CTNND1: variants seen among roughly 807,000 people sequenced by gnomAD.
CTNND1 encodes catenin delta-1.
Under a neutral mutation model 112.1 loss-of-function variants are expected in CTNND1, and 16 were observed. The ratio of observed to expected loss-of-function variants is 0.14; its 90% CI spans 0.10 to 0.22. CTNND1 has a LOEUF of 0.22. CTNND1 is among the 10% of genes least tolerant of loss of function. The pLI, the probability that CTNND1 is intolerant of heterozygous loss-of-function variation, is 1.00. For missense variants in CTNND1, 1,008 were observed against 1,257.0 expected (o/e 0.80, Z 3.00); for synonymous variants, 420 against 446.5 (o/e 0.94, Z 0.75).
intron 1 of CTNND1, among the ~76,000 whole-genome samples, chr11:57,775,525 GGAGGA>G (rs1954001753): frequency 6.6e-6 from 1 of 152,168 alleles, no homozygotes; most frequent in Non-Finnish European, 1.5e-5. Context: ...AGCATGGTAT[GGAGGA>G]CTCGCCTATT....
At chr11:57,766,973 T>C (rs1013271781) in intron 1 of CTNND1, among the ~76,000 whole-genome samples, 1 of 150,658 alleles carries the variant, frequency 6.6e-6, no homozygotes, top group African/African-American at 2.4e-5. Context: ...AATTTTCTTA[T>C]CTTTTTTTTT....
intron 1 of CTNND1, 55 bp downstream of exon 1, chr11:57,762,174 T>A: frequency 2.5e-6 from 2 of 813,876 alleles, no homozygotes; most frequent in Non-Finnish European, 1.5e-6. Flanking sequence ...GAGTAACTTT[T>A]AAGCAATTAT....
At position 57,788,629 on chromosome 11, in the gene CTNND1, T is replaced by C. The variant is rs1356722313; in HGVS notation, c.-213-408T>C. 6.6e-6 allele frequency among the ~76,000 whole-genome samples: 1 copy of C among 152,166 alleles called. No homozygotes were observed. Among genetic ancestry groups the C allele is most frequent in the African/African-American group, 2.4e-5 (1 of 41,428 alleles). ...CTTTTGCATTGGTTTCTCAATGTCT[T>C]TGTGGGCATGCTGGGACTGGGCTTT... is the stretch of plus-strand genomic sequence containing the variant. On this transcript the variant is annotated intron_variant, in intron 1 of 20. Transcript: ENST00000399050. The surrounding 1 kb of genome is among the most constrained non-coding windows in gnomAD (Gnocchi z 4.1).
intron 6 of CTNND1, 46 bp downstream of exon 6, chr11:57,797,038 G>C (rs2061417019): frequency 3.6e-6 from 5 of 1,398,664 alleles, no homozygotes; most frequent in Non-Finnish European, 2.8e-6. Context: ...CAAGACCAGG[G>C]ACAAGGGGTA....
At chr11:57,764,103 T>C (rs1483219117) in intron 1 of CTNND1, 1 of 152,192 alleles carries the variant, frequency 6.6e-6, no homozygotes, top group Non-Finnish European at 1.5e-5. Context: ...TTGCTCATTG[T>C]CTTGGTTTTG....
intron 3 of CTNND1, among the ~76,000 whole-genome samples, chr11:57,792,147 G>A (rs2060815750): frequency 6.6e-6 from 1 of 152,132 alleles, no homozygotes; most frequent in Admixed American, 6.6e-5. Context: ...GCTCCATATT[G>A]TCCTTGTGTG....
chr11:57,789,167 A>G lies in CTNND1; in HGVS notation c.-95+12A>G. On this transcript the variant is annotated intron_variant, in intron 2 of 20. Transcript: ENST00000399050. ...CCTTCTCTTAACAGGTGTGTATGGAAATATGTTTATTAAGAAGGAAAAATC... is the reference window on the plus strand; with the variant it reads ...CCTTCTCTTAACAGGTGTGTATGGAGATATGTTTATTAAGAAGGAAAAATC... The G allele has an allele frequency of 2.1e-6, 3 of 1,428,848 alleles. No homozygotes were observed. The Admixed American group carries it at 7.3e-5, about 35-fold the overall frequency. 88.5% of individuals were successfully genotyped at this position (1,428,848 alleles called of 1,614,324 possible).
chr11:57,810,684 G>C (rs1176302797), intron 16 of CTNND1, among the ~76,000 whole-genome samples: 1 of 151,924 alleles, frequency 6.6e-6, no homozygotes, highest in Non-Finnish European at 1.5e-5. Flanking sequence ...GCCAGGTGTG[G>C]TGGCTCACAC....
intron 9 of CTNND1, among the ~76,000 whole-genome samples, chr11:57,805,096 A>C (rs2062483952): frequency 6.6e-6 from 1 of 151,592 alleles, no homozygotes; most frequent in Admixed American, 6.6e-5. Context: ...ACGGGGTTTC[A>C]CCATGTTGGC....
intron 1 of CTNND1, among the ~76,000 whole-genome samples, chr11:57,768,902 TTC>T (rs1485565931): frequency 5.9e-5 from 9 of 152,186 alleles, no homozygotes; most frequent in African/African-American, 1.9e-4. Flanking sequence ...GGAATTTTCC[TTC>T]TCTTTTCCTC....
At chr11:57,785,398 A>T (rs1026629270) in intron 1 of CTNND1, among the ~76,000 whole-genome samples, 11 of 152,224 alleles carry the variant, frequency 7.2e-5, no homozygotes, top group Non-Finnish European at 1.2e-4. Context: ...TCATATAGCT[A>T]ATAAGGATAG....
Position 57,815,924 on chromosome 11 carries a change from G to T in CTNND1, c.2818G>T (p.Gly940Trp). 1 of 1,608,020 alleles carries T rather than the reference G, an allele frequency of 6.2e-7. No homozygotes were observed. The highest frequency in any genetic ancestry group is 1.3e-5 in the African/African-American group (1 of 74,608). The change falls in exon 20 of 21, where the codon GGG (glycine) becomes TGG (tryptophan). Residue 940 changes from glycine to tryptophan, a missense_variant. Gly to Trp is a radical substitution (Grantham distance 184). Coordinates refer to ENST00000399050, the MANE Select transcript of CTNND1 (RefSeq NM_001085458.2). ...KGTTPLMQDE[G>W]QESLEEELDV... ...TTGCATGTGTTCACAGCAGGACGAG[G>T]GGCAGGAATCTCTGGAGGAAGAGTT... is the stretch of plus-strand genomic sequence containing the variant.
In CTNND1 at chr11:57,815,974, G is replaced by T. The variant is rs778615503; in HGVS notation, c.2868G>T (p.Glu956Asp). The T allele has an allele frequency of 1.3e-6, 2 of 1,597,474 alleles. No homozygotes were observed. Among genetic ancestry groups the T allele is most frequent in the Non-Finnish European group, 1.7e-6 (2 of 1,175,564 alleles). The change falls in exon 20 of 21, where the codon GAG becomes GAT. Residue 956 changes from glutamate (E) to aspartate (D), a missense_variant. Glu to Asp is a conservative substitution (Grantham distance 45, BLOSUM62 2). This residue lies in a region of CTNND1 where 106 missense variants were observed against 116.2 expected (regional missense o/e 0.91). Coordinates refer to ENST00000399050, the MANE Select transcript of CTNND1 (RefSeq NM_001085458.2). The part of the protein sequence containing the change: ...EELDVLVLDD[E>D]GGQVSYPSMQ... ...TGGATGTGTTGGTTTTGGATGATGAGGGGGGCCAAGTGTCTTACCCCTCCA... is the reference window on the plus strand; with the variant it reads ...TGGATGTGTTGGTTTTGGATGATGATGGGGGCCAAGTGTCTTACCCCTCCA...
chr11:57,771,336 A>T (rs189141795), intron 1 of CTNND1, among the ~76,000 whole-genome samples: 50 of 152,302 alleles, frequency 3.3e-4, no homozygotes, highest in Admixed American at 3.1e-3. Context: ...GTAGTATGTC[A>T]GAGTGTGGTA....
At chr11:57,793,127 C>T (rs987868813) in intron 3 of CTNND1, 2 of 152,134 alleles carry the variant, frequency 1.3e-5, no homozygotes, top group Non-Finnish European at 2.9e-5. Flanking sequence ...TTCCTTCTTC[C>T]TGAAAGTAAT....
At chr11:57,814,768 C>T (rs1174274542) in intron 18 of CTNND1, among the ~76,000 whole-genome samples, 1 of 152,042 alleles carries the variant, frequency 6.6e-6, no homozygotes, top group Non-Finnish European at 1.5e-5. Context: ...CTGGTATGTC[C>T]TTCCCTTTTG....
At position 57,791,504 on chromosome 11, in the gene CTNND1, C is replaced by A. The variant is rs570725162; in HGVS notation, c.26C>A (p.Thr9Asn). 2 of 1,569,956 alleles carry A rather than the reference C, an allele frequency of 1.3e-6. No homozygotes were observed. Among genetic ancestry groups the A allele is most frequent in the South Asian group, 1.2e-5 (1 of 86,118 alleles). MDDSEVES[T>N]ASILASVKEQ... ...ATGGACGACTCAGAGGTGGAGTCGA[C>A]CGCCAGCATCTTGGCCTCTGTGAAG... Residue 9 changes from threonine (T) to asparagine (N), a missense_variant, in exon 3 of 21, where the codon ACC becomes AAC. Thr to Asn is a moderately conservative substitution (Grantham distance 65). This residue lies in a region of CTNND1 where 404 missense variants were observed against 457.9 expected (regional missense o/e 0.88). Coordinates refer to ENST00000399050, the MANE Select transcript of CTNND1 (RefSeq NM_001085458.2).
At chr11:57,809,614 C>A in intron 15 of CTNND1, 148 bp downstream of exon 15, 1 of 670,950 alleles carries the variant, frequency 1.5e-6, no homozygotes, top group Non-Finnish European at 2.4e-6. Flanking sequence ...TAATGTTGAT[C>A]CATAAATTGA....
intron 7 of CTNND1, 31 bp from the exon 8 acceptor site, chr11:57,803,590 C>T: frequency 7.7e-6 from 12 of 1,567,498 alleles, no homozygotes; most frequent in Non-Finnish European, 1.0e-5. Context: ...CTTGAATGCT[C>T]AAGAGCCATC....
Sources: gnomAD v4.1 joint callset for allele counts (sites outside exome capture counted in the v4.1 genomes callset) on GRCh38, gnomAD v4.1.1 for gene constraint, gnomAD v4.1.1 regional missense constraint, Gnocchi (gnomAD v3.1) non-coding constraint, MANE v1.5 for transcripts, NCBI Gene and HGNC (gene_info 2026-07-23, HGNC 2026-07-21) for gene names.